The following STYK1 variants were observed in gnomAD, a reference collection of about 807,000 sequenced individuals.
STYK1 encodes STY kinase 1.
A neutral mutation model predicts 48.1 loss-of-function variants in STYK1; 46 were observed. The ratio of observed to expected loss-of-function variants is 0.96; its 90% CI spans 0.75 to 1.22. The LOEUF (loss-of-function observed/expected upper bound fraction) is 1.22. Among genes scored for constraint, STYK1 ranks in the 50% most tolerant of loss-of-function variants. STYK1 has a pLI of 0.00. For missense variants in STYK1, 527 were observed against 521.1 expected, an observed-to-expected ratio of 1.01 and a Z score of -0.11; for synonymous variants, 188 against 189.0, an observed-to-expected ratio of 0.99 and a Z score of 0.04.
chr12:10,656,667 A>G (rs1947722895), intron 1 of STYK1, among the ~76,000 whole-genome samples: 1 of 152,144 alleles, frequency 6.6e-6, no homozygotes, highest in Admixed American at 6.5e-5. Context: ...AGGGATTAAT[A>G]CAATTGTTTT....
intron 1 of STYK1, among the ~76,000 whole-genome samples, chr12:10,663,233 C>A (rs1406812894): frequency 2.0e-5 from 3 of 152,162 alleles, no homozygotes; most frequent in Non-Finnish European, 4.4e-5. Flanking sequence ...CCTGCCTCAG[C>A]CTCCCAAGTA....
chr12:10,619,927 G>T lies in STYK1; in HGVS notation c.*217C>A. On this transcript the variant is annotated 3_prime_UTR_variant, in exon 11 of 11. Coordinates refer to ENST00000075503, the MANE Select transcript of STYK1 (RefSeq NM_018423.3). ...ACTTCTACCCAGGATTTCTAGGACT[G>T]GGACAGCAGAAGTGAGACTGACAGT... 3.3e-6 allele frequency: 2 copies of T among 612,470 alleles called. No individual in the cohort carries two copies. The highest frequency in any genetic ancestry group is 5.7e-6 in the Non-Finnish European group (2 of 349,490). 37.9% of individuals were successfully genotyped at this position (612,470 alleles called of 1,614,324 possible).
intron 1 of STYK1, among the ~76,000 whole-genome samples, chr12:10,651,335 A>G (rs1947660672): frequency 6.6e-6 from 1 of 152,178 alleles, no homozygotes; most frequent in South Asian, 2.1e-4. Flanking sequence ...AAGTCTCAGA[A>G]GCATAGCCCA....
intron 1 of STYK1, among the ~76,000 whole-genome samples, chr12:10,645,018 A>C (rs112901810): frequency 3.9e-5 from 6 of 152,194 alleles, no homozygotes; most frequent in African/African-American, 1.4e-4. Context: ...TAAGGGCTAC[A>C]TGAAGGAAGA....
At chr12:10,649,701 T>C (rs1023765442) in intron 1 of STYK1, among the ~76,000 whole-genome samples, 5 of 152,154 alleles carry the variant, frequency 3.3e-5, no homozygotes, top group African/African-American at 1.2e-4. Context: ...AAAAGTTTGA[T>C]AGCAGAAATA....
Position 10,674,028 on chromosome 12 carries a change from G to A in STYK1, c.-257C>T, listed in dbSNP as rs2120847618. The A allele has an allele frequency of 6.6e-6, 1 of 152,400 alleles. No individual in the cohort carries two copies. The highest frequency in any genetic ancestry group is 1.5e-5 in the Non-Finnish European group (1 of 68,106). 9.4% of individuals were successfully genotyped at this position (152,400 alleles called of 1,614,324 possible). On this transcript the variant is annotated 5_prime_UTR_variant, in exon 1 of 11. Transcript: ENST00000075503. ...CCGGCCCAGTCGGAGGGGAAATAATGACAGGGTTGGGTAGGGCAAGGTGTG... is the reference window on the plus strand; with the variant it reads ...CCGGCCCAGTCGGAGGGGAAATAATAACAGGGTTGGGTAGGGCAAGGTGTG...
chr12:10,651,224 G>A (rs1235392284), intron 1 of STYK1, among the ~76,000 whole-genome samples: 2 of 152,054 alleles, frequency 1.3e-5, no homozygotes, highest in Non-Finnish European at 2.9e-5. Context: ...GAAATGCTGG[G>A]CTCACTCACT....
At chr12:10,622,773 G>T in intron 8 of STYK1, 95 bp from the exon 9 acceptor site, 1 of 1,434,472 alleles carries the variant, frequency 7.0e-7, no homozygotes, top group South Asian at 1.2e-5. Flanking sequence ...AGAGCCCCAT[G>T]AAAAAGGCAA....
intron 1 of STYK1, among the ~76,000 whole-genome samples, chr12:10,639,761 C>T (rs1028906544): frequency 6.6e-6 from 1 of 152,210 alleles, no homozygotes; most frequent in Non-Finnish European, 1.5e-5. Flanking sequence ...GTTGCACACC[C>T]AGGTCTTTTA....
Position 10,624,864 on chromosome 12 carries a change from C to A in STYK1, c.718-5G>T, listed in dbSNP as rs1285241718. On this transcript the variant is annotated splice_region_variant and splice_polypyrimidine_tract_variant and intron_variant, in intron 7 of 10. Coordinates refer to ENST00000075503, the MANE Select transcript of STYK1 (RefSeq NM_018423.3). ...ATGCTTCTCCTGCAGGAATTCCTGT[C>A]AAGATAAAATCAAATATGATCAGCT... 1.9e-6 allele frequency: 3 copies of A among 1,613,556 alleles called. No individual in the cohort carries two copies. Among genetic ancestry groups the A allele is most frequent in the Middle Eastern group, 1.6e-4 (1 of 6,080 alleles).
chr12:10,661,478 G>A (rs575009581), intron 1 of STYK1, among the ~76,000 whole-genome samples: 1 of 152,258 alleles, frequency 6.6e-6, no homozygotes, highest in South Asian at 2.1e-4. Context: ...AATCCACCCT[G>A]CTCTGCTATT....
At chr12:10,645,498 C>A (rs747698075) in intron 1 of STYK1, among the ~76,000 whole-genome samples, 7 of 152,038 alleles carry the variant, frequency 4.6e-5, no homozygotes, top group Non-Finnish European at 8.8e-5. Context: ...TATGGAGAGG[C>A]CTGTATCAGG....
chr12:10,669,051 T>A (rs1947865717), intron 1 of STYK1, among the ~76,000 whole-genome samples: 1 of 152,186 alleles, frequency 6.6e-6, no homozygotes, highest in South Asian at 2.1e-4. Context: ...GAATAAAAGT[T>A]TAGGGACCAG....
chr12:10,656,149 T>C (rs1031908595), intron 1 of STYK1, among the ~76,000 whole-genome samples: 2 of 151,700 alleles, frequency 1.3e-5, no homozygotes, highest in African/African-American at 2.4e-5. Flanking sequence ...AAAGTGGGAG[T>C]TTCCCTGCAC....
At chr12:10,646,906 A>G (rs1947606020) in intron 1 of STYK1, among the ~76,000 whole-genome samples, 1 of 152,200 alleles carries the variant, frequency 6.6e-6, no homozygotes, top group South Asian at 2.1e-4. Flanking sequence ...GGCAGCTTCC[A>G]TGTGGTGTTG....
chr12:10,668,859 T>C (rs943566801), intron 1 of STYK1, among the ~76,000 whole-genome samples: 5 of 152,170 alleles, frequency 3.3e-5, no homozygotes, highest in Admixed American at 3.3e-4. Flanking sequence ...TTTAATTTCC[T>C]GGAGAGCACA....
In STYK1 at chr12:10,631,231, C is replaced by T. The variant is rs147503302; in HGVS notation, c.265G>A (p.Glu89Lys). 422 of 1,614,224 alleles carry T rather than the reference C, an allele frequency of 2.6e-4. 2 individuals carry two copies. In the African/African-American group the frequency reaches 5.3e-3, roughly 20 times the overall value. The change falls in exon 5 of 11, where the codon GAG becomes AAG. Residue 89 changes from glutamate to lysine, a missense_variant. Glu to Lys is a moderately conservative substitution (Grantham distance 56). Coordinates refer to ENST00000075503, the MANE Select transcript of STYK1 (RefSeq NM_018423.3). The part of the protein sequence containing the change: ...HGGNVALPLK[E>K]TSVENFLGAT... ...CCCAGAAAGTTTTCCACGGATGTCT[C>T]CTTAAGTGGCAAAGCCACATTTCCT...
rs1053230087 is a variant in STYK1, at chr12:10,634,725, G to GA, written c.-68-40dup. 53 of 1,302,740 alleles carry GA rather than the reference G, an allele frequency of 4.1e-5. No homozygotes were observed. In the Middle Eastern group the frequency reaches 7.6e-4, roughly 19 times the overall value. 80.7% of individuals were successfully genotyped at this position (1,302,740 alleles called of 1,614,324 possible). ...GGTTTTTGAAAAAAATAAAATGAATGAAAAAAAATAAATGAAGTACACACA... is the reference window on the plus strand; with the variant it reads ...GGTTTTTGAAAAAAATAAAATGAATGAAAAAAAAATAAATGAAGTACACACA... On this transcript the variant is annotated intron_variant, in intron 2 of 10. Transcript: ENST00000075503.
At position 10,624,732 on chromosome 12, in the gene STYK1, A is replaced by G; in HGVS notation, c.845T>C (p.Ile282Thr). Residue 282 changes from isoleucine to threonine, a missense_variant, in exon 8 of 11, where the codon ATC becomes ACC. Ile to Thr is a moderately conservative substitution (Grantham distance 89). Transcript: ENST00000075503. ...GAGAGGTATGGTTTGAGTAGAGGAG[A>G]TGGCCCCTCGGGTGTAAACTTCATA... is the stretch of plus-strand genomic sequence containing the variant. The part of the protein sequence containing the change: ...LAYEVYTRGA[I>T]SSTQTIPLKW... 1 of 1,614,138 alleles carries G rather than the reference A, an allele frequency of 6.2e-7. No individual in the cohort carries two copies. Among genetic ancestry groups the G allele is most frequent in the Non-Finnish European group, 8.5e-7 (1 of 1,180,026 alleles).
Sources: allele counts gnomAD v4.1 joint callset (sites outside exome capture counted in the v4.1 genomes callset), GRCh38; gene constraint gnomAD v4.1.1; transcripts MANE v1.5; gene names NCBI Gene and HGNC (gene_info 2026-07-23, HGNC 2026-07-21).